SNX13: variants seen among roughly 807,000 people sequenced by gnomAD.
SNX13 encodes sorting nexin 13, also known as sorting nexin-13.
A neutral mutation model predicts 133.6 loss-of-function variants in SNX13; 45 were observed. That is an observed-to-expected ratio of 0.34 (90% CI 0.27 to 0.43). The LOEUF (loss-of-function observed/expected upper bound fraction) is 0.43. SNX13 is among the 20% of genes least tolerant of loss of function. SNX13 has a pLI of 1.00. For missense variants in SNX13, 1,032 were observed against 1,145.1 expected (o/e 0.90, Z 1.43); for synonymous variants, 414 against 373.9 (o/e 1.11, Z -1.24).
chr7:17,855,109 C>G (rs1037327174), intron 9 of SNX13, among the ~76,000 whole-genome samples: 1 of 152,182 alleles, frequency 6.6e-6, no homozygotes, highest in Admixed American at 6.5e-5. Flanking sequence ...GAAAATCACA[C>G]CAGACACAAC....
chr7:17,836,221 A>T (rs1187038301), intron 13 of SNX13, among the ~76,000 whole-genome samples: 1 of 152,024 alleles, frequency 6.6e-6, no homozygotes. Context: ...GTAATACAAA[A>T]ATAATACTTA....
intron 17 of SNX13, among the ~76,000 whole-genome samples, chr7:17,824,317 G>A (rs1787630590): frequency 6.6e-6 from 1 of 152,114 alleles, no homozygotes. Context: ...TGTGTGTACT[G>A]CTTCCTTGGG....
At chr7:17,936,970 A>C (rs886398558) in intron 1 of SNX13, among the ~76,000 whole-genome samples, 1 of 151,130 alleles carries the variant, frequency 6.6e-6, no homozygotes, top group African/African-American at 2.4e-5. Flanking sequence ...TAACAGGAGC[A>C]AGGACAACAG....
intron 13 of SNX13, among the ~76,000 whole-genome samples, chr7:17,835,545 G>A (rs1024340667): frequency 2.0e-5 from 3 of 151,792 alleles, no homozygotes; most frequent in Non-Finnish European, 1.5e-5. Context: ...TTTATTAAAA[G>A]AAAAAATGCT....
At chr7:17,933,139 G>A (rs138717792) in intron 1 of SNX13, among the ~76,000 whole-genome samples, 232 of 152,310 alleles carry the variant, frequency 1.5e-3, no homozygotes, top group African/African-American at 5.0e-3. Context: ...GATTTACCAA[G>A]TCTGATTAAA....
At chr7:17,863,485 G>A (rs575269631) in intron 9 of SNX13, among the ~76,000 whole-genome samples, 2 of 152,242 alleles carry the variant, frequency 1.3e-5, no homozygotes, top group South Asian at 2.1e-4. Flanking sequence ...CAGCTCAGCC[G>A]CAGTAAAACC....
intron 1 of SNX13, among the ~76,000 whole-genome samples, chr7:17,916,913 A>C (rs796969342): frequency 7.2e-5 from 11 of 152,326 alleles, no homozygotes; most frequent in African/African-American, 2.6e-4. Flanking sequence ...AAAAATCCTC[A>C]ACAAAATACT....
At chr7:17,901,393 CT>C (rs1797821798) in intron 1 of SNX13, among the ~76,000 whole-genome samples, 1 of 152,162 alleles carries the variant, frequency 6.6e-6, no homozygotes, top group South Asian at 2.1e-4. Flanking sequence ...AGGAATTGCA[CT>C]CCTTGTGGCC....
Position 17,868,448 on chromosome 7 carries a change from G to A in SNX13, c.796C>T (p.Leu266Phe). 6.2e-7 allele frequency: 1 copy of A among 1,609,624 alleles called. No individual in the cohort carries two copies. Among genetic ancestry groups the A allele is most frequent in the Non-Finnish European group, 8.5e-7 (1 of 1,177,912 alleles). Residue 266 changes from leucine to phenylalanine, a missense_variant, in exon 9 of 26, where the codon CTC (leucine) becomes TTC (phenylalanine). Coordinates refer to ENST00000428135, the MANE Select transcript of SNX13 (RefSeq NM_015132.5). Reference sequence around the variant, plus strand: ...TGATTAATATAATCAGGATCACTGAGTTGATTTATTAATGGAAGAAGAATT... The same window carrying A: ...TGATTAATATAATCAGGATCACTGAATTGATTTATTAATGGAAGAAGAATT... Reference protein sequence around the residue: ...RGILLPLINQLSDPDYINQYV... With the variant: ...RGILLPLINQFSDPDYINQYV...
intron 18 of SNX13, among the ~76,000 whole-genome samples, chr7:17,820,120 TTCTAG>T (rs1787122294): frequency 6.6e-6 from 1 of 152,192 alleles, no homozygotes; most frequent in Non-Finnish European, 1.5e-5. Flanking sequence ...ATGCCTACAG[TTCTAG>T]TCTAGAACAT....
intron 1 of SNX13, among the ~76,000 whole-genome samples, chr7:17,935,765 C>G (rs534288880): frequency 7.2e-5 from 11 of 152,304 alleles, no homozygotes; most frequent in African/African-American, 2.6e-4. Flanking sequence ...TATAAAATCC[C>G]TTTCCTACCT....
At chr7:17,852,171 C>T (rs900777917) in intron 9 of SNX13, among the ~76,000 whole-genome samples, 3 of 152,282 alleles carry the variant, frequency 2.0e-5, no homozygotes, top group Admixed American at 1.3e-4. Context: ...GTCAGGAGTT[C>T]GAGACCAGCC....
chr7:17,940,478 C>A lies in SNX13; in HGVS notation c.-183G>T. 1 of 734,052 alleles carries A rather than the reference C, an allele frequency of 1.4e-6. No homozygotes were observed. 45.5% of individuals were successfully genotyped at this position (734,052 alleles called of 1,614,324 possible). A position where few individuals can be genotyped will look rare whatever the true frequency, so the allele number is the denominator to read the frequency against. The stretch of plus-strand genomic sequence containing the variant: ...GCCCGGTCGCTCGCGACGGACGCGC[C>A]GCCATCTTGGAAGAGCGACGTCCGC... On this transcript the variant is annotated 5_prime_UTR_variant, in exon 1 of 26. Coordinates refer to ENST00000428135, the MANE Select transcript of SNX13 (RefSeq NM_015132.5).
chr7:17,934,258 A>C (rs577418389), intron 1 of SNX13, among the ~76,000 whole-genome samples: 8 of 152,334 alleles, frequency 5.3e-5, no homozygotes, highest in African/African-American at 1.9e-4. Context: ...TCCAGATTAC[A>C]ATCAATTGAG....
rs193152393 is a variant in SNX13 at position 17,928,233 on chromosome 7, C to T, written c.12+12051G>A. 8.5e-4 allele frequency among the ~76,000 whole-genome samples: 130 copies of T among 152,230 alleles called. 1 individual carries two copies. The highest frequency in any genetic ancestry group is 2.7e-3 in the South Asian group (13 of 4,828). ...GCTTACTTGGCCAGGCACAGCAGCA[C>T]GTGGATGTAGCCCCAGCTACTCAGA... is the stretch of plus-strand genomic sequence containing the variant. On this transcript the variant is annotated intron_variant, in intron 1 of 25. Coordinates refer to ENST00000428135, the MANE Select transcript of SNX13 (RefSeq NM_015132.5).
At chr7:17,867,554 C>A (rs1366986442) in intron 9 of SNX13, among the ~76,000 whole-genome samples, 1 of 151,796 alleles carries the variant, frequency 6.6e-6, no homozygotes, top group East Asian at 1.9e-4. Context: ...CTGCAGTGAG[C>A]CAAGATTGTC....
intron 5 of SNX13, among the ~76,000 whole-genome samples, chr7:17,876,019 C>G (rs1268176189): frequency 6.6e-6 from 1 of 152,130 alleles, no homozygotes; most frequent in African/African-American, 2.4e-5. Context: ...TGTGCCAAAG[C>G]TTAAAACTAC....
At chr7:17,815,204 A>C (rs1434986303) in intron 19 of SNX13, among the ~76,000 whole-genome samples, 1 of 152,148 alleles carries the variant, frequency 6.6e-6, no homozygotes, top group African/African-American at 2.4e-5. Context: ...GAACATATTT[A>C]CTATTTTATT....
chr7:17,794,639 GAGGATTTATAATAACATCCTTATA>G (rs1413523052), intron 25 of SNX13: 8 of 178,876 alleles, frequency 4.5e-5, no homozygotes, highest in African/African-American at 1.9e-4. Flanking sequence ...ATCTGAAAAG[GAGGATTTATAATAACATCCTTATA>G]AGGATTTATA....
Sources: gnomAD v4.1 joint callset for allele counts (sites outside exome capture counted in the v4.1 genomes callset) on GRCh38, gnomAD v4.1.1 for gene constraint, MANE v1.5 for transcripts, NCBI Gene and HGNC (gene_info 2026-07-23, HGNC 2026-07-21) for gene names.